Variants in SOX5 observed in about 807,000 individuals in gnomAD.
SOX5 encodes transcription factor SOX-5.
In SOX5, 9 loss-of-function variants were observed where a neutral mutation model predicts 92.0. The ratio of observed to expected loss-of-function variants is 0.10; its 90% confidence interval spans 0.06 to 0.17. The LOEUF is 0.17. Among genes scored for constraint, SOX5 ranks in the 10% least tolerant of loss-of-function variants. SOX5 has a pLI of 1.00. For synonymous variants in SOX5, 344 were observed against 336.3 expected, an observed-to-expected ratio of 1.02 and a Z score of -0.25; for missense variants, 642 against 944.5, an observed-to-expected ratio of 0.68 and a Z score of 4.20.
intron 3 of SOX5, among the ~76,000 whole-genome samples, chr12:23,843,720 T>C (rs552311208): frequency 2.0e-4 from 30 of 151,748 alleles, no homozygotes; most frequent in Non-Finnish European, 3.7e-4. Flanking sequence ...CACACCACCA[T>C]GCCTGCCTAA....
intron 1 of SOX5, among the ~76,000 whole-genome samples, chr12:24,534,862 G>T (rs1951500521): frequency 1.3e-5 from 2 of 152,212 alleles, no homozygotes; most frequent in Admixed American, 1.3e-4. Context: ...AGTCCAGAGG[G>T]GATGCGAGGG....
At chr12:24,514,074 T>G (rs1949561023) in intron 1 of SOX5, among the ~76,000 whole-genome samples, 1 of 152,206 alleles carries the variant, frequency 6.6e-6, no homozygotes, top group Admixed American at 6.5e-5. Flanking sequence ...ATGGTGTCCC[T>G]CCTCAGGCCT....
intron 1 of SOX5, among the ~76,000 whole-genome samples, chr12:24,508,837 A>G: frequency 6.6e-6 from 1 of 152,168 alleles, no homozygotes. Flanking sequence ...AGGTCCCCTG[A>G]AGGAAATAAA....
At chr12:23,603,985 A>C in intron 9 of SOX5, 1 of 165,710 alleles carries the variant, frequency 6.0e-6, no homozygotes, top group East Asian at 1.6e-4. Flanking sequence ...TCTCTCCCTG[A>C]AGATGATCTC....
intron 4 of SOX5, among the ~76,000 whole-genome samples, chr12:24,013,956 A>G (rs1310436137): frequency 6.6e-6 from 1 of 152,192 alleles, no homozygotes; most frequent in Non-Finnish European, 1.5e-5. Context: ...CACAGAATCA[A>G]CTTGAGCTGG....
At chr12:24,112,822 G>A (rs569047595) in intron 4 of SOX5, among the ~76,000 whole-genome samples, 2 of 152,038 alleles carry the variant, frequency 1.3e-5, no homozygotes, top group South Asian at 4.2e-4. Flanking sequence ...TTCTAGGCAT[G>A]AGCCACCATG....
At chr12:24,509,287 T>C (rs886124332) in intron 1 of SOX5, among the ~76,000 whole-genome samples, 3 of 152,224 alleles carry the variant, frequency 2.0e-5, no homozygotes, top group Non-Finnish European at 4.4e-5. Context: ...GTGCCCACTT[T>C]GAGACCCATT....
chr12:24,470,027 A>G (rs971808242), intron 1 of SOX5, among the ~76,000 whole-genome samples: 1 of 152,234 alleles, frequency 6.6e-6, no homozygotes, highest in African/African-American at 2.4e-5. Flanking sequence ...AAACTTTTAA[A>G]CTATTAATTA....
intron 4 of SOX5, among the ~76,000 whole-genome samples, chr12:24,110,185 A>C (rs1476246009): frequency 6.6e-6 from 1 of 152,184 alleles, no homozygotes; most frequent in East Asian, 1.9e-4. Flanking sequence ...ACATTCTATA[A>C]ATCAACTATC....
Position 23,970,841 on chromosome 12 carries a change from A to ATATATTTTTTTTTTTTTTTTTTT in SOX5, c.-1-74818_-1-74817insAAAAAAAAAAAAAAAAAAATATA. On this transcript the variant is annotated intron_variant, in intron 4 of 4. Coordinates refer to the SOX5 transcript ENST00000446891. ...ACATGGGACTTTATATATATATATA[A>ATATATTTTTTTTTTTTTTTTTTT]TTTTTTTTTTTTTTTAAGAAATGGG... Among the ~76,000 whole-genome samples, 6 of 21,884 alleles carry ATATATTTTTTTTTTTTTTTTTTT rather than the reference A, an allele frequency of 2.7e-4. 1 individual carries two copies. The highest frequency in any genetic ancestry group is 5.2e-4 in the Non-Finnish European group (5 of 9,706). The allele number at this position is 21,884 out of a possible 152,430, so 14.4% of individuals were successfully genotyped here. A position where few individuals can be genotyped will look rare whatever the true frequency, so the allele number is the denominator to read the frequency against.
chr12:23,982,125 G>T (rs1184789375), intron 4 of SOX5, among the ~76,000 whole-genome samples: 1 of 152,182 alleles, frequency 6.6e-6, no homozygotes, highest in Non-Finnish European at 1.5e-5. Flanking sequence ...ATTTGAACCT[G>T]AACTCCGATT....
intron 3 of SOX5, chr12:24,230,534 T>C (rs907735416): frequency 6.6e-6 from 1 of 152,122 alleles, no homozygotes; most frequent in Non-Finnish European, 1.5e-5. Context: ...TGTTAATATA[T>C]GTAACATCTT....
At chr12:24,506,639 A>T (rs914545922) in intron 1 of SOX5, among the ~76,000 whole-genome samples, 7 of 152,140 alleles carry the variant, frequency 4.6e-5, no homozygotes, top group African/African-American at 1.7e-4. Context: ...GCTCTGCAGG[A>T]TTAACAATGG....
rs1555312679 is a variant in SOX5, at chr12:24,476,000, A to AT, written c.-251+86328_-251+86329insA. 4.6e-3 allele frequency among the ~76,000 whole-genome samples: 618 copies of AT among 133,436 alleles called. 4 individuals are homozygous for AT. The highest frequency in any genetic ancestry group is 0.017 in the African/African-American group (559 of 32,298). The allele number at this position is 133,436 out of a possible 152,430, so 87.5% of individuals were successfully genotyped here. On this transcript the variant is annotated intron_variant, in intron 1 of 4. Transcript: ENST00000446891. ...CTGTCTCCGAAATACATTTAAAAAAAAAAAAAAAAAAAAAGCAGAAGAGAA... is the reference window on the plus strand; with the variant it reads ...CTGTCTCCGAAATACATTTAAAAAAATAAAAAAAAAAAAAAGCAGAAGAGAA...
chr12:23,978,072 A>T (rs1279435676), intron 4 of SOX5, among the ~76,000 whole-genome samples: 2 of 152,232 alleles, frequency 1.3e-5, no homozygotes, highest in Non-Finnish European at 2.9e-5. Flanking sequence ...AAAACGTATC[A>T]TGACATGTGA....
At chr12:24,213,796 TA>T (rs1958923613) in intron 3 of SOX5, among the ~76,000 whole-genome samples, 1 of 152,188 alleles carries the variant, frequency 6.6e-6, no homozygotes, top group South Asian at 2.1e-4. Context: ...TTAAATCACT[TA>T]AAAGTCATCA....
At chr12:24,439,955 C>T (rs1372414237) in intron 1 of SOX5, among the ~76,000 whole-genome samples, 1 of 152,074 alleles carries the variant, frequency 6.6e-6, no homozygotes, top group Non-Finnish European at 1.5e-5. Context: ...TCAGGAAATA[C>T]GCAAGTGCAT....
intron 4 of SOX5, among the ~76,000 whole-genome samples, chr12:24,102,954 A>G (rs1409238703): frequency 1.3e-5 from 2 of 152,206 alleles, no homozygotes; most frequent in Non-Finnish European, 2.9e-5. Context: ...TGAAAATTAC[A>G]ATGACAAGGT....
intron 4 of SOX5, among the ~76,000 whole-genome samples, chr12:23,987,664 G>A (rs912483119): frequency 1.3e-5 from 2 of 152,140 alleles, no homozygotes; most frequent in African/African-American, 4.8e-5. Context: ...ATGGTGCTGT[G>A]TGCCTATAGT....
Sources: allele counts gnomAD v4.1 joint callset (sites outside exome capture counted in the v4.1 genomes callset), GRCh38; gene constraint gnomAD v4.1.1; transcripts MANE v1.5; gene names NCBI Gene and HGNC (gene_info 2026-07-23, HGNC 2026-07-21).